Variants in HEPHL1 observed in about 807,000 individuals in gnomAD.
HEPHL1 encodes the protein ferroxidase HEPHL1.
A neutral mutation model predicts 122.0 loss-of-function variants in HEPHL1; 123 were observed. That is an observed-to-expected ratio of 1.01 (90% CI 0.87 to 1.17). The LOEUF (loss-of-function observed/expected upper bound fraction) is 1.17, where lower values mean the gene tolerates loss of function less well. Ranked by LOEUF, HEPHL1 falls within the 50% of genes most tolerant of loss-of-function variation. HEPHL1 has a pLI of 0.00. For synonymous variants in HEPHL1, 527 were observed against 508.9 expected, an observed-to-expected ratio of 1.04 and a Z score of -0.48; for missense variants, 1,452 against 1,430.5, an observed-to-expected ratio of 1.01 and a Z score of -0.24.
At chr11:94,032,649 C>T (rs780989137) in intron 1 of HEPHL1, among the ~76,000 whole-genome samples, 13 of 152,048 alleles carry the variant, frequency 8.5e-5, no homozygotes, top group Admixed American at 1.3e-4. Flanking sequence ...GAGAGGGGTC[C>T]GCCTGACCAG....
chr11:94,110,868 G>A (rs7925817), intron 17 of HEPHL1, 35 bp from the exon 18 acceptor site: 2 of 1,568,874 alleles, frequency 1.3e-6, no homozygotes, highest in Admixed American at 1.8e-5. Context: ...AGCAAAGAAG[G>A]CTACTAGCTG....
At chr11:94,030,627 A>C (rs1945666099) in intron 1 of HEPHL1, among the ~76,000 whole-genome samples, 1 of 152,212 alleles carries the variant, frequency 6.6e-6, no homozygotes, top group Admixed American at 6.5e-5. Flanking sequence ...GAGAAGTATC[A>C]TTGAGTGACT....
chr11:94,073,622 G>A (rs1292862290), intron 8 of HEPHL1, among the ~76,000 whole-genome samples, 183 bp downstream of exon 8: 1 of 152,162 alleles, frequency 6.6e-6, no homozygotes, highest in Non-Finnish European at 1.5e-5. Context: ...ACCTCACAGG[G>A]CTTTGGAAAG....
intron 15 of HEPHL1, among the ~76,000 whole-genome samples, chr11:94,104,244 T>A (rs1946391382): frequency 6.6e-6 from 1 of 152,024 alleles, no homozygotes; most frequent in South Asian, 2.1e-4. Context: ...GTCAGAAAAT[T>A]TCATTAGGGG....
At chr11:94,054,163 A>G (rs1399825782) in intron 2 of HEPHL1, among the ~76,000 whole-genome samples, 1 of 152,234 alleles carries the variant, frequency 6.6e-6, no homozygotes, top group African/African-American at 2.4e-5. Context: ...GCACAGGCAC[A>G]GAGCCCTGGA....
intron 1 of HEPHL1, among the ~76,000 whole-genome samples, chr11:94,027,121 G>A (rs887442069): frequency 4.6e-5 from 7 of 152,054 alleles, no homozygotes; most frequent in African/African-American, 1.7e-4. Flanking sequence ...CTTGGCTGTG[G>A]CTGCATCACT....
intron 13 of HEPHL1, among the ~76,000 whole-genome samples, chr11:94,098,860 C>G (rs1216475968): frequency 6.6e-6 from 1 of 152,182 alleles, no homozygotes; most frequent in Non-Finnish European, 1.5e-5. Flanking sequence ...GTTTTCAGCT[C>G]TATCAGGTCA....
At chr11:94,061,804 ATAAT>A (rs1298393408) in intron 2 of HEPHL1, among the ~76,000 whole-genome samples, 1 of 152,214 alleles carries the variant, frequency 6.6e-6, no homozygotes, top group East Asian at 1.9e-4. Flanking sequence ...CATTGAAGAC[ATAAT>A]TCATTACATT....
chr11:94,086,614 G>C (rs755351114), intron 11 of HEPHL1, among the ~76,000 whole-genome samples: 48 of 152,268 alleles, frequency 3.2e-4, no homozygotes, highest in Non-Finnish European at 5.4e-4. Flanking sequence ...ACTGCAGCCT[G>C]GTCTCTCTTC....
At chr11:94,044,103 G>A (rs1485632503) in intron 1 of HEPHL1, among the ~76,000 whole-genome samples, 1 of 151,816 alleles carries the variant, frequency 6.6e-6, no homozygotes, top group East Asian at 2.0e-4. Context: ...GCTGGAGCTA[G>A]GATGGGAGCT....
chr11:94,089,099 T>C, intron 12 of HEPHL1, 131 bp downstream of exon 12: 2 of 845,786 alleles, frequency 2.4e-6, no homozygotes, highest in East Asian at 2.6e-5. Context: ...CTTTTACTTA[T>C]GTGCACAGAT....
rs748917040 is a variant in HEPHL1 at position 94,045,731 on chromosome 11, G to T, written c.229G>T (p.Ala77Ser). 8 of 1,613,274 alleles carry T rather than the reference G, an allele frequency of 5.0e-6. No individual in the cohort carries two copies. Among genetic ancestry groups the T allele is most frequent in the Non-Finnish European group, 6.8e-6 (8 of 1,179,616 alleles). ...CAGGATAGGCAGTATTTACAAAAAG[G>T]CTGTTTACAGACGCTTCACGGATGG... ...PNRIGSIYKKAVYRRFTDGTY... is the reference protein window; with the variant it reads ...PNRIGSIYKKSVYRRFTDGTY... The change falls in exon 2 of 20, where the codon GCT becomes TCT. Residue 77 changes from alanine (A) to serine (S), a missense_variant. Transcript: ENST00000315765.
chr11:94,077,929 C>A (rs12421996), intron 9 of HEPHL1, among the ~76,000 whole-genome samples: 19,017 of 152,190 alleles, frequency 0.12, 1,223 homozygotes, highest in Admixed American at 0.15. Context: ...TCTCTGATCA[C>A]CAGGCTAAGG....
intron 14 of HEPHL1, among the ~76,000 whole-genome samples, chr11:94,102,708 G>A (rs372649149): frequency 3.3e-5 from 5 of 152,280 alleles, no homozygotes; most frequent in African/African-American, 1.2e-4. Flanking sequence ...AGGGAAGGCT[G>A]GAGCCTGAAA....
At chr11:94,037,302 G>A (rs12794814) in intron 1 of HEPHL1, among the ~76,000 whole-genome samples, 48,628 of 151,290 alleles carry the variant, frequency 0.32, 9,022 homozygotes, top group South Asian at 0.44. Context: ...AGGGGCGCCC[G>A]CCATTGCCCA....
chr11:94,069,851 A>G (rs577674791), intron 5 of HEPHL1, among the ~76,000 whole-genome samples: 1 of 152,132 alleles, frequency 6.6e-6, no homozygotes, highest in Non-Finnish European at 1.5e-5. Context: ...TGATTTTTTT[A>G]AAAAAGCTAT....
intron 17 of HEPHL1, among the ~76,000 whole-genome samples, chr11:94,106,616 A>G (rs1946411560): frequency 6.6e-6 from 1 of 151,992 alleles, no homozygotes; most frequent in South Asian, 2.1e-4. Context: ...TAATATGTAT[A>G]TGTATATTAT....
Position 94,104,673 on chromosome 11 carries a change from A to G in HEPHL1, c.2828A>G (p.Asn943Ser). The stretch of plus-strand genomic sequence containing the variant: ...AATGAATCCTGGTATCTGGATGACA[A>G]TATTAAGAAGTATCTCAACAAAGAT... ...NENESWYLDD[N>S]IKKYLNKDPR... is the part of the protein sequence containing the mutation. Residue 943 changes from asparagine to serine, a missense_variant, in exon 16 of 20, where the codon AAT becomes AGT. Coordinates refer to ENST00000315765, the MANE Select transcript of HEPHL1 (RefSeq NM_001098672.2). 3 of 1,613,748 alleles carry G rather than the reference A, an allele frequency of 1.9e-6. No individual in the cohort carries two copies. The highest frequency in any genetic ancestry group is 2.5e-6 in the Non-Finnish European group (3 of 1,179,658).
Position 94,067,722 on chromosome 11 carries a change from A to G in HEPHL1, c.1035A>G (p.Ile345Met). 1.2e-6 allele frequency: 2 copies of G among 1,613,676 alleles called. No individual in the cohort carries two copies. The highest frequency in any genetic ancestry group is 1.7e-6 in the Non-Finnish European group (2 of 1,179,704). The change falls in exon 5 of 20, where the codon ATA becomes ATG. Residue 345 changes from isoleucine to methionine, a missense_variant. Coordinates refer to ENST00000315765, the MANE Select transcript of HEPHL1 (RefSeq NM_001098672.2). Reference protein sequence around the residue: ...MIAENPGKWMITCQVSDHLQA... With the variant: ...MIAENPGKWMMTCQVSDHLQA... The stretch of plus-strand genomic sequence containing the variant: ...CCGAGAATCCTGGGAAGTGGATGAT[A>G]ACCTGCCAGGTCAGCGACCACCTAC...
Sources: allele counts gnomAD v4.1 joint callset (sites outside exome capture counted in the v4.1 genomes callset), GRCh38; gene constraint gnomAD v4.1.1; transcripts MANE v1.5; gene names NCBI Gene and HGNC (gene_info 2026-07-23, HGNC 2026-07-21).